The following UBE3C variants were observed in gnomAD, a reference collection of about 807,000 sequenced individuals.
UBE3C encodes ubiquitin-protein ligase E3C.
In UBE3C, 42 loss-of-function variants were observed where a neutral mutation model predicts 129.4. The ratio of observed to expected loss-of-function variants is 0.32; its 90% CI spans 0.25 to 0.42. The LOEUF (loss-of-function observed/expected upper bound fraction) is 0.42. UBE3C is among the 10% of genes least tolerant of loss of function. The pLI, the probability that UBE3C is intolerant of heterozygous loss-of-function variation, is 1.00. For synonymous variants in UBE3C, 510 were observed against 492.4 expected (o/e 1.04, Z -0.47); for missense variants, 1,049 against 1,319.1 (o/e 0.80, Z 3.17).
chr7:157,246,249 T>G (rs1796473728), intron 18 of UBE3C, among the ~76,000 whole-genome samples: 1 of 152,192 alleles, frequency 6.6e-6, no homozygotes. Flanking sequence ...CGAAGTAGAT[T>G]ATTACTAAAT....
chr7:157,251,200 A>T (rs1012831573), intron 19 of UBE3C, among the ~76,000 whole-genome samples: 1 of 152,252 alleles, frequency 6.6e-6, no homozygotes, highest in African/African-American at 2.4e-5. Context: ...TTTATAAAGT[A>T]TGATTTAAAG....
At chr7:157,154,374 C>T (rs1807845515) in intron 1 of UBE3C, among the ~76,000 whole-genome samples, 1 of 152,088 alleles carries the variant, frequency 6.6e-6, no homozygotes, top group Admixed American at 6.6e-5. Flanking sequence ...ATCATCTTCT[C>T]ACTGAATCCC....
chr7:157,235,183 C>CTTTTTTT (rs1434956052), intron 18 of UBE3C, among the ~76,000 whole-genome samples: 1 of 152,208 alleles, frequency 6.6e-6, no homozygotes, highest in South Asian at 2.1e-4. Flanking sequence ...GAGCAAAACT[C>CTTTTTTT]TGTCTCAAAT....
intron 1 of UBE3C, among the ~76,000 whole-genome samples, chr7:157,142,247 A>G (rs760834996): frequency 5.3e-5 from 8 of 152,256 alleles, no homozygotes; most frequent in Non-Finnish European, 1.2e-4. Context: ...TTAAATTATT[A>G]TTTGAAATCT....
chr7:157,244,727 T>C (rs749099865), intron 18 of UBE3C, among the ~76,000 whole-genome samples: 4 of 152,258 alleles, frequency 2.6e-5, no homozygotes, highest in African/African-American at 7.2e-5. Flanking sequence ...CACTCACTTA[T>C]ATTAAAAGGC....
At chr7:157,246,218 G>T (rs1006546349) in intron 18 of UBE3C, among the ~76,000 whole-genome samples, 1 of 143,776 alleles carries the variant, frequency 7.0e-6, no homozygotes, top group Admixed American at 7.2e-5. Context: ...TTAAGGATGC[G>T]CATTTTATAG....
intron 18 of UBE3C, among the ~76,000 whole-genome samples, chr7:157,248,078 T>G (rs1236464804): frequency 1.3e-5 from 2 of 152,058 alleles, no homozygotes; most frequent in African/African-American, 4.8e-5. Flanking sequence ...GGAGGAGCAT[T>G]TGTTGGCTTC....
chr7:157,244,398 A>G (rs374348336), intron 18 of UBE3C, among the ~76,000 whole-genome samples: 10 of 152,284 alleles, frequency 6.6e-5, no homozygotes, highest in South Asian at 6.2e-4. Context: ...ATTAGTATAC[A>G]TTCTTATTTT....
intron 22 of UBE3C, among the ~76,000 whole-genome samples, chr7:157,262,456 G>A (rs528337941): frequency 3.4e-4 from 35 of 103,372 alleles, no homozygotes; most frequent in Non-Finnish European, 5.0e-4. Flanking sequence ...TTTCGCTCCT[G>A]TTGCCCAGGC....
chr7:157,147,178 C>CT (rs2116799317), intron 1 of UBE3C, among the ~76,000 whole-genome samples: 1 of 152,272 alleles, frequency 6.6e-6, no homozygotes, highest in Admixed American at 6.5e-5. Flanking sequence ...TGGAATATCT[C>CT]TTAATTTGTT....
At chr7:157,146,303 G>A (rs1358523385) in intron 1 of UBE3C, among the ~76,000 whole-genome samples, 2 of 151,872 alleles carry the variant, frequency 1.3e-5, no homozygotes, top group East Asian at 1.9e-4. Context: ...GTGCAGTGGC[G>A]CAATCTCGGC....
At chr7:157,166,609 G>A (rs1176649211) in intron 2 of UBE3C, among the ~76,000 whole-genome samples, 2 of 151,718 alleles carry the variant, frequency 1.3e-5, no homozygotes, top group Admixed American at 6.6e-5. Flanking sequence ...GCATGCTGGC[G>A]CATGCCTGTA....
At chr7:157,156,337 T>G (rs537527751) in intron 1 of UBE3C, among the ~76,000 whole-genome samples, 2 of 133,332 alleles carry the variant, frequency 1.5e-5, no homozygotes, top group Admixed American at 8.6e-5. Flanking sequence ...GACAGAGTCC[T>G]GCTCTGTCAC....
intron 13 of UBE3C, 51 bp downstream of exon 13, chr7:157,207,986 CTT>C (rs754667155): frequency 3.6e-6 from 4 of 1,102,796 alleles, no homozygotes; most frequent in Non-Finnish European, 3.4e-6. Context: ...AATGTACAAA[CTT>C]TTGTCTTGAC....
In UBE3C at chr7:157,181,511, C is replaced by CT; in HGVS notation, c.617-3dup. The CT allele has an allele frequency of 6.4e-7, 1 of 1,551,414 alleles. No individual in the cohort carries two copies. The highest frequency in any genetic ancestry group is 1.2e-5 in the South Asian group (1 of 80,762). ...ACTAAATTTTAAATATGTGTTTTTCCTTTTAGGGTATTATAGGTCTCTATA... is the reference window on the plus strand; with the variant it reads ...ACTAAATTTTAAATATGTGTTTTTCCTTTTTAGGGTATTATAGGTCTCTATA... On this transcript the variant is annotated splice_region_variant and splice_polypyrimidine_tract_variant and intron_variant, in intron 6 of 22. Transcript: ENST00000348165.
intron 17 of UBE3C, among the ~76,000 whole-genome samples, chr7:157,228,508 T>A (rs1228680293): frequency 3.9e-5 from 6 of 152,198 alleles, no homozygotes; most frequent in Admixed American, 2.6e-4. Flanking sequence ...ACTTGTCTGC[T>A]TTTGTTGGTT....
chr7:157,201,503 C>T (rs1286000703), intron 10 of UBE3C, among the ~76,000 whole-genome samples: 2 of 151,208 alleles, frequency 1.3e-5, no homozygotes, highest in African/African-American at 4.9e-5. Flanking sequence ...GCTTTCCTAG[C>T]TTGGTAACAG....
chr7:157,212,794 G>C (rs1239489690), intron 13 of UBE3C, among the ~76,000 whole-genome samples: 1 of 152,002 alleles, frequency 6.6e-6, no homozygotes, highest in Non-Finnish European at 1.5e-5. Context: ...ACAGGGTTTC[G>C]TTCTGTTGCC....
intron 18 of UBE3C, among the ~76,000 whole-genome samples, chr7:157,244,735 G>A (rs1247702004): frequency 6.6e-6 from 1 of 152,196 alleles, no homozygotes; most frequent in Non-Finnish European, 1.5e-5. Flanking sequence ...TATATTAAAA[G>A]GCTTCTACTA....
Sources: allele counts gnomAD v4.1 joint callset (sites outside exome capture counted in the v4.1 genomes callset), GRCh38; gene constraint gnomAD v4.1.1; transcripts MANE v1.5; gene names NCBI Gene and HGNC (gene_info 2026-07-23, HGNC 2026-07-21).